Variants in RDH12 observed in about 807,000 individuals in gnomAD.
RDH12 encodes retinol dehydrogenase 12, also known as all-trans and 9-cis retinol dehydrogenase.
In RDH12, 21 loss-of-function variants were observed where a neutral mutation model predicts 34.0. The ratio of observed to expected loss-of-function variants is 0.62; its 90% CI spans 0.44 to 0.89. The LOEUF is 0.89. Ranked by LOEUF, RDH12 falls within the 40% of genes least tolerant of loss-of-function variation. The probability of loss-of-function intolerance (pLI) is 0.00; values close to 1 mark genes in which losing one functional copy is unlikely to be tolerated. For missense variants in RDH12, 394 were observed against 398.6 expected, an observed-to-expected ratio of 0.99 and a Z score of 0.10; for synonymous variants, 198 against 169.9, an observed-to-expected ratio of 1.17 and a Z score of -1.29.
Position 67,727,147 on chromosome 14 carries a change from G to A in RDH12, c.615G>A (p.Leu205=), listed in dbSNP as rs867508225. Residue 205 remains leucine (L), a synonymous_variant, in exon 7 of 9, where the codon CTG becomes CTA. Transcript: ENST00000551171. ...GTTTTGCCTATTGCCACAGCAAGCTGGCCAATGTGCTTTTTACTCGTGAGC... is the reference window on the plus strand; with the variant it reads ...GTTTTGCCTATTGCCACAGCAAGCTAGCCAATGTGCTTTTTACTCGTGAGC... ...SRGFAYCHSK[L]ANVLFTRELA... is the part of the protein sequence containing the mutation. 3 of 1,614,094 alleles carry A rather than the reference G, an allele frequency of 1.9e-6. No homozygotes were observed.
chr14:67,729,398 G>C lies in RDH12; in HGVS notation c.848+18G>C. ...TACTTCAGGTGTGTGAAGGCAATGC[G>C]GTTCTCTCCACCACCTGTGTGCATG... On this transcript the variant is annotated intron_variant, in intron 8 of 8. Transcript: ENST00000551171. 1.9e-6 allele frequency: 3 copies of C among 1,595,770 alleles called. No homozygotes were observed. The highest frequency in any genetic ancestry group is 2.5e-6 in the Non-Finnish European group (3 of 1,178,514).
At chr14:67,707,250 G>A (rs1446527015) in intron 1 of RDH12, among the ~76,000 whole-genome samples, 3 of 152,146 alleles carry the variant, frequency 2.0e-5, no homozygotes, top group Non-Finnish European at 2.9e-5. Context: ...AGTCCAAACT[G>A]TAGAAAACAA....
In RDH12 at chr14:67,719,308, T is replaced by A. The variant is rs188262765; in HGVS notation, c.-274-1540T>A. On this transcript the variant is annotated intron_variant, in intron 1 of 8. Coordinates refer to ENST00000551171, the MANE Select transcript of RDH12 (RefSeq NM_152443.3). The stretch of plus-strand genomic sequence containing the variant: ...AACCTGACAATTAATAAATACATAG[T>A]TTGAGGAACTCGCAATAGAATTTGA... 1.4e-3 allele frequency among the ~76,000 whole-genome samples: 212 copies of A among 152,330 alleles called. 2 individuals carry two copies. The highest frequency in any genetic ancestry group is 5.8e-3 in the South Asian group (28 of 4,830).
intron 1 of RDH12, among the ~76,000 whole-genome samples, chr14:67,712,493 CAAAAAAAAAAAAAA>C (rs79758974): frequency 0.029 from 1,139 of 39,050 alleles, 36 homozygotes; most frequent in Middle Eastern, 0.16. Flanking sequence ...AAAAAACTTG[CAAAAAAAAAAAAAA>C]AAAAAAAAAA....
intron 4 of RDH12, 61 bp downstream of exon 4, chr14:67,724,652 C>A: frequency 8.4e-7 from 1 of 1,193,894 alleles, no homozygotes; most frequent in Non-Finnish European, 1.3e-6. Flanking sequence ...CCCACTGGGG[C>A]CTCTGTCCAT....
intron 1 of RDH12, among the ~76,000 whole-genome samples, chr14:67,704,474 G>A (rs1041238315): frequency 5.3e-5 from 8 of 151,828 alleles, no homozygotes; most frequent in African/African-American, 1.9e-4. Flanking sequence ...AGGCATTTTC[G>A]GAACAGCTCC....
intron 1 of RDH12, among the ~76,000 whole-genome samples, chr14:67,718,036 T>C (rs2038086133): frequency 6.6e-6 from 1 of 152,218 alleles, no homozygotes; most frequent in Admixed American, 6.5e-5. Flanking sequence ...ATTTTAGCTT[T>C]TAAAATCAAG....
chr14:67,717,359 A>G (rs577176715), intron 1 of RDH12, among the ~76,000 whole-genome samples: 21 of 152,296 alleles, frequency 1.4e-4, no homozygotes, highest in Admixed American at 1.4e-3. Flanking sequence ...TTAGAGGTAA[A>G]CAGAATTAAG....
At chr14:67,707,276 A>G (rs1046216697) in intron 1 of RDH12, among the ~76,000 whole-genome samples, 3 of 152,236 alleles carry the variant, frequency 2.0e-5, no homozygotes, top group African/African-American at 7.2e-5. Context: ...ATTGCAAAAC[A>G]TTAGGCAAGA....
Position 67,722,534 on chromosome 14 carries a change from G to A in RDH12, c.-109G>A. ...AGCACCCAGGACGGAGAGGAGCAGA[G>A]AAGCAGCAGAAGCAGCCAAGAGCTG... On this transcript the variant is annotated 5_prime_UTR_variant, in exon 3 of 9. Coordinates refer to ENST00000551171, the MANE Select transcript of RDH12 (RefSeq NM_152443.3). 1.1e-6 allele frequency: 1 copy of A among 883,694 alleles called. No homozygotes were observed. Among genetic ancestry groups the A allele is most frequent in the Middle Eastern group, 2.9e-4 (1 of 3,502 alleles). The allele number at this position is 883,694 out of a possible 1,614,324, so 54.7% of individuals were successfully genotyped here.
Position 67,727,016 on chromosome 14 carries a change from CT to C in RDH12, c.485del (p.Leu162GlnfsTer116). 6.2e-7 allele frequency: 1 copy of C among 1,613,382 alleles called. No homozygotes were observed. Among genetic ancestry groups the C allele is most frequent in the Non-Finnish European group, 8.5e-7 (1 of 1,180,024 alleles). On this transcript the variant is annotated frameshift_variant, in exon 7 of 9. Coordinates refer to ENST00000551171, the MANE Select transcript of RDH12 (RefSeq NM_152443.3). LOFTEE classifies it high-confidence loss of function. Reference protein sequence around the residue: ...FLLTYLLLERLKVSAPARVVN... With the variant: ...FLLTYLLLERXKVSAPARVVN... ...CCTCACCTACCTGCTCCTGGAGCGG[CT>C]AAAGGTGTCTGCCCCTGCACGGGTG...
intron 1 of RDH12, among the ~76,000 whole-genome samples, chr14:67,712,493 CAAAAAAAAAAAA>C (rs79758974): frequency 7.7e-4 from 30 of 38,952 alleles, no homozygotes; most frequent in African/African-American, 1.2e-3. Flanking sequence ...AAAAAACTTG[CAAAAAAAAAAAA>C]AAAAAAAAAA....
At chr14:67,709,819 T>C (rs2037990452) in intron 1 of RDH12, among the ~76,000 whole-genome samples, 2 of 152,150 alleles carry the variant, frequency 1.3e-5, no homozygotes, top group Non-Finnish European at 1.5e-5. Flanking sequence ...ACAAGTACTT[T>C]AAAAGAGCAT....
At chr14:67,725,985 A>C (rs2038180530) in intron 5 of RDH12, 66 bp from the exon 6 acceptor site, 1 of 1,039,788 alleles carries the variant, frequency 9.6e-7, no homozygotes, top group Non-Finnish European at 1.5e-6. Context: ...GCAATTATGC[A>C]GGTCTGTTAC....
At chr14:67,706,218 A>T (rs978850788) in intron 1 of RDH12, 1 of 152,312 alleles carries the variant, frequency 6.6e-6, no homozygotes, top group African/African-American at 2.4e-5. Flanking sequence ...CAGCCACTAC[A>T]CTCCAGCCTG....
Position 67,724,578 on chromosome 14 carries a change from G to A in RDH12, c.174G>A (p.Glu58=), listed in dbSNP as rs755986684. 6.2e-7 allele frequency: 1 copy of A among 1,613,174 alleles called. No homozygotes were observed. ...NTGIGKETAR[E]LASRGARVYI... ...GCATTGGCAAGGAGACGGCCAGAGA[G>A]CTCGCTAGCCGAGGTAAGTGTTTCC... Residue 58 remains glutamate, a synonymous_variant, in exon 4 of 9, where the codon GAG becomes GAA. Coordinates refer to ENST00000551171, the MANE Select transcript of RDH12 (RefSeq NM_152443.3).
chr14:67,708,920 G>A (rs2037980668), intron 1 of RDH12, among the ~76,000 whole-genome samples: 1 of 151,680 alleles, frequency 6.6e-6, no homozygotes, highest in African/African-American at 2.4e-5. Flanking sequence ...AGCCTCACGA[G>A]TAGCTGGGAC....
At chr14:67,726,192 C>T in intron 6 of RDH12, 37 bp downstream of exon 6, 4 of 1,187,002 alleles carry the variant, frequency 3.4e-6, no homozygotes, top group South Asian at 2.4e-5. Context: ...TGAGGTACAC[C>T]CACTATCTTT....
chr14:67,727,305 C>A, intron 7 of RDH12, 115 bp downstream of exon 7: 1 of 796,308 alleles, frequency 1.3e-6, no homozygotes, highest in Non-Finnish European at 2.1e-6. Flanking sequence ...TCTCTGTGGA[C>A]TAAGGAGAAT....
Sources: allele counts gnomAD v4.1 joint callset (sites outside exome capture counted in the v4.1 genomes callset), GRCh38; gene constraint gnomAD v4.1.1; transcripts MANE v1.5; gene names NCBI Gene and HGNC (gene_info 2026-07-23, HGNC 2026-07-21).